The following PACS1 variants were observed in gnomAD, a reference collection of about 807,000 sequenced individuals.
PACS1 encodes the protein PACS-1.
In PACS1, 24 loss-of-function variants were observed where a neutral mutation model predicts 115.0. The observed-to-expected ratio is 0.21, with a 90% CI of 0.15 to 0.29. The LOEUF (loss-of-function observed/expected upper bound fraction) is 0.29, where lower values mean the gene tolerates loss of function less well. Ranked by LOEUF, PACS1 falls within the 10% of genes least tolerant of loss-of-function variation. The pLI, the probability that PACS1 is intolerant of heterozygous loss-of-function variation, is 1.00. For synonymous variants in PACS1, 453 were observed against 504.5 expected (o/e 0.90, Z 1.37); for missense variants, 838 against 1,251.2 (o/e 0.67, Z 4.98).
At chr11:66,183,105 G>A (rs1431465559) in intron 1 of PACS1, among the ~76,000 whole-genome samples, 1 of 152,146 alleles carries the variant, frequency 6.6e-6, no homozygotes, top group Admixed American at 6.6e-5. Context: ...ACTCCAGCCT[G>A]GGTGACAGAG....
Position 66,111,521 on chromosome 11 carries a change from A to C in PACS1, c.356+40679A>C, listed in dbSNP as rs1031874948. On this transcript the variant is annotated intron_variant, in intron 1 of 23. Transcript: ENST00000320580. ...CATCACAAATTTAATACAAGGACCT[A>C]ACTCTTGATTCTCTCCACAACGCCA... is the stretch of plus-strand genomic sequence containing the variant. Among the ~76,000 whole-genome samples, 33 of 152,218 alleles carry C rather than the reference A, an allele frequency of 2.2e-4. 1 individual carries two copies. Among genetic ancestry groups the C allele is most frequent in the Admixed American group, 5.9e-4 (9 of 15,286 alleles).
In PACS1 at chr11:66,232,957, C is replaced by T; in HGVS notation, c.1732-3C>T. 1 of 1,609,240 alleles carries T rather than the reference C, an allele frequency of 6.2e-7. No homozygotes were observed. Among genetic ancestry groups the T allele is most frequent in the Non-Finnish European group, 8.5e-7 (1 of 1,176,570 alleles). On this transcript the variant is annotated splice_polypyrimidine_tract_variant and splice_region_variant and intron_variant, in intron 14 of 23. Coordinates refer to ENST00000320580, the MANE Select transcript of PACS1 (RefSeq NM_018026.4). ...TCCCTGCTCTCCTCCCTCCCTATCCCAGTATGTGGCTGAGCTGCTCCAGGA... is the reference window on the plus strand; with the variant it reads ...TCCCTGCTCTCCTCCCTCCCTATCCTAGTATGTGGCTGAGCTGCTCCAGGA...
intron 1 of PACS1, among the ~76,000 whole-genome samples, chr11:66,099,279 A>G (rs1857857592): frequency 6.6e-6 from 1 of 152,114 alleles, no homozygotes; most frequent in Non-Finnish European, 1.5e-5. Flanking sequence ...GCTGCAGTGC[A>G]TTGGCACAAT....
chr11:66,153,761 A>G (rs1466071237), intron 1 of PACS1, among the ~76,000 whole-genome samples: 1 of 152,216 alleles, frequency 6.6e-6, no homozygotes, highest in Non-Finnish European at 1.5e-5. Flanking sequence ...AGCCTGGGTG[A>G]CAGAGCGAGA....
rs568604366 is a variant in PACS1, at chr11:66,236,818, A to G, written c.2250+878A>G. On this transcript the variant is annotated intron_variant, in intron 19 of 23. Transcript: ENST00000320580. The surrounding 1 kb of genome is among the most constrained non-coding windows in gnomAD (Gnocchi z 4.2). ...ACTCTGTTGCCCATGCTGGAGTGCAATGGCACAATCTCAGCTCACTGCAAC... is the reference window on the plus strand; with the variant it reads ...ACTCTGTTGCCCATGCTGGAGTGCAGTGGCACAATCTCAGCTCACTGCAAC... Among the ~76,000 whole-genome samples, 27 of 151,722 alleles carry G rather than the reference A, an allele frequency of 1.8e-4. No individual in the cohort carries two copies. Among genetic ancestry groups the G allele is most frequent in the African/African-American group, 6.3e-4 (26 of 41,330 alleles).
intron 2 of PACS1, among the ~76,000 whole-genome samples, chr11:66,207,299 T>G (rs1437117202): frequency 6.6e-6 from 1 of 152,116 alleles, no homozygotes; most frequent in African/African-American, 2.4e-5. Context: ...AAACCTCATC[T>G]CTACTAAAAA....
At chr11:66,225,799 T>C (rs959619141) in intron 10 of PACS1, among the ~76,000 whole-genome samples, 1 of 152,214 alleles carries the variant, frequency 6.6e-6, no homozygotes, top group Non-Finnish European at 1.5e-5. Context: ...ATTTGTCATA[T>C]TGAGATCGAA....
chr11:66,199,175 C>T (rs568204403), intron 2 of PACS1, among the ~76,000 whole-genome samples: 5 of 152,108 alleles, frequency 3.3e-5, no homozygotes, highest in African/African-American at 7.2e-5. Context: ...ATTAGCCAAG[C>T]GTGGTGGCGG....
intron 10 of PACS1, among the ~76,000 whole-genome samples, chr11:66,223,853 G>A (rs551622775): frequency 7.2e-5 from 11 of 152,112 alleles, no homozygotes; most frequent in African/African-American, 1.4e-4. Context: ...TCTGAGCCTC[G>A]GTGCCTCATC....
At chr11:66,204,309 G>T (rs569431335) in intron 2 of PACS1, among the ~76,000 whole-genome samples, 48 of 152,274 alleles carry the variant, frequency 3.2e-4, no homozygotes, top group African/African-American at 1.1e-3. Flanking sequence ...ATCATTAATT[G>T]TCAGAGAAAT....
chr11:66,207,069 G>C (rs2134693859), intron 2 of PACS1, among the ~76,000 whole-genome samples: 1 of 152,270 alleles, frequency 6.6e-6, no homozygotes, highest in Non-Finnish European at 1.5e-5. Flanking sequence ...CCCTTCACCA[G>C]TGTTATTTTG....
chr11:66,125,768 G>A (rs1648863878), intron 1 of PACS1, among the ~76,000 whole-genome samples: 1 of 152,164 alleles, frequency 6.6e-6, no homozygotes, highest in Non-Finnish European at 1.5e-5. Context: ...GGCCGGGCAT[G>A]GTGGCTCATG....
intron 1 of PACS1, among the ~76,000 whole-genome samples, chr11:66,136,375 A>G (rs1858847771): frequency 6.6e-6 from 1 of 151,294 alleles, no homozygotes; most frequent in African/African-American, 2.4e-5. Flanking sequence ...AACAAACCAA[A>G]ATATTCCTGA....
At chr11:66,134,620 T>A (rs1590768244) in intron 1 of PACS1, among the ~76,000 whole-genome samples, 1 of 152,114 alleles carries the variant, frequency 6.6e-6, no homozygotes, top group African/African-American at 2.4e-5. Context: ...GCTTATAGTT[T>A]AGTATGTGTT....
intron 1 of PACS1, among the ~76,000 whole-genome samples, chr11:66,154,662 T>C (rs1424726835): frequency 6.6e-6 from 1 of 152,208 alleles, no homozygotes; most frequent in Non-Finnish European, 1.5e-5. Context: ...TTTAACAAAA[T>C]GTATGTAAAA....
At position 66,235,200 on chromosome 11, in the gene PACS1, A is replaced by C; in HGVS notation, c.2105-101A>C. 1 of 800,234 alleles carries C rather than the reference A, an allele frequency of 1.2e-6. No homozygotes were observed. The highest frequency in any genetic ancestry group is 1.5e-5 in the South Asian group (1 of 64,890). The allele number at this position is 800,234 out of a possible 1,614,324, so 49.6% of individuals were successfully genotyped here. On this transcript the variant is annotated intron_variant, in intron 17 of 23. Transcript: ENST00000320580. The surrounding 1 kb of genome is among the most constrained non-coding windows in gnomAD (Gnocchi z 5.6). ...GAGCCCCATCCTTCACTCAACTCCT[A>C]GAGTCTGACGGGTCTCAGGAAGGGA...
chr11:66,134,650 G>C (rs183645110), intron 1 of PACS1, among the ~76,000 whole-genome samples: 2 of 152,134 alleles, frequency 1.3e-5, no homozygotes, highest in Admixed American at 1.3e-4. Context: ...GGAGCAGCCT[G>C]TACATATGGA....
At chr11:66,140,603 T>C (rs1413186204) in intron 1 of PACS1, among the ~76,000 whole-genome samples, 3 of 152,158 alleles carry the variant, frequency 2.0e-5, no homozygotes, top group East Asian at 1.9e-4. Flanking sequence ...TCAAAAGATA[T>C]AGAAGGAGAT....
chr11:66,237,955 C>A, intron 19 of PACS1: 2 of 567,368 alleles, frequency 3.5e-6, no homozygotes, highest in Non-Finnish European at 4.5e-6. Flanking sequence ...GTAGATTTCG[C>A]CCCATCAGGG....
Sources: gnomAD v4.1 joint callset for allele counts (sites outside exome capture counted in the v4.1 genomes callset) on GRCh38, gnomAD v4.1.1 for gene constraint, Gnocchi (gnomAD v3.1) non-coding constraint, MANE v1.5 for transcripts, NCBI Gene and HGNC (gene_info 2026-07-23, HGNC 2026-07-21) for gene names.